B4GALT5: variants seen among roughly 807,000 people sequenced by gnomAD.
The protein encoded by B4GALT5 is beta-1,4-galactosyltransferase 5.
Under a neutral mutation model 45.0 loss-of-function variants are expected in B4GALT5, and 11 were observed. The observed-to-expected ratio is 0.24, with a 90% CI of 0.15 to 0.40. B4GALT5 has a LOEUF of 0.40. Ranked by LOEUF, B4GALT5 falls within the 10% of genes least tolerant of loss-of-function variation. The probability of loss-of-function intolerance (pLI) is 1.00; values close to 1 mark genes in which losing one functional copy is unlikely to be tolerated. For synonymous variants in B4GALT5, 185 were observed against 182.9 expected (o/e 1.01, Z -0.09); for missense variants, 337 against 500.2 (o/e 0.67, Z 3.11).
chr20:49,679,478 C>T (rs1334743027), intron 1 of B4GALT5, among the ~76,000 whole-genome samples: 2 of 151,198 alleles, frequency 1.3e-5, no homozygotes, highest in African/African-American at 2.4e-5. Context: ...ACCAGCCTGG[C>T]TAACAGGGTG....
At chr20:49,694,195 G>A (rs1365263319) in intron 1 of B4GALT5, among the ~76,000 whole-genome samples, 2 of 152,092 alleles carry the variant, frequency 1.3e-5, no homozygotes, top group East Asian at 3.9e-4. Flanking sequence ...ACTTCAAAGT[G>A]CCCTTTCTGT....
At chr20:49,665,983 C>T (rs1679659358) in intron 1 of B4GALT5, among the ~76,000 whole-genome samples, 1 of 152,028 alleles carries the variant, frequency 6.6e-6, no homozygotes, top group African/African-American at 2.4e-5. Context: ...GGGCTTCACG[C>T]ACTATACTTG....
rs1984442232 is a variant in B4GALT5, at chr20:49,633,960, G to C, written c.*2352C>G. On this transcript the variant is annotated 3_prime_UTR_variant, in exon 9 of 9. Coordinates refer to ENST00000371711, the MANE Select transcript of B4GALT5 (RefSeq NM_004776.4). ...GGATGGGGGTTGCAGGGTGGAGGGGGGTCTTTATTGCTATATGCACCATAA... is the reference window on the plus strand; with the variant it reads ...GGATGGGGGTTGCAGGGTGGAGGGGCGTCTTTATTGCTATATGCACCATAA... 1 of 152,256 alleles carries C rather than the reference G, an allele frequency of 6.6e-6. No homozygotes were observed. Among genetic ancestry groups the C allele is most frequent in the Non-Finnish European group, 1.5e-5 (1 of 67,960 alleles). 9.4% of individuals were successfully genotyped at this position (152,256 alleles called of 1,614,324 possible). A position where few individuals can be genotyped will look rare whatever the true frequency, so the allele number is the denominator to read the frequency against.
chr20:49,692,327 C>A (rs1050352480), intron 1 of B4GALT5, among the ~76,000 whole-genome samples: 2 of 149,700 alleles, frequency 1.3e-5, no homozygotes, highest in Admixed American at 1.3e-4. Flanking sequence ...AGTAGCCAGG[C>A]ATGGTGGCGC....
intron 8 of B4GALT5, among the ~76,000 whole-genome samples, 178 bp downstream of exon 8, chr20:49,637,163 C>T (rs148066343): frequency 3.3e-5 from 5 of 152,266 alleles, no homozygotes; most frequent in South Asian, 2.1e-4. Flanking sequence ...TGTTCACCAA[C>T]GGTCTGATCC....
intron 4 of B4GALT5, 26 bp from the exon 5 acceptor site, chr20:49,642,610 C>T: frequency 6.5e-7 from 1 of 1,535,986 alleles, no homozygotes; most frequent in Non-Finnish European, 9.0e-7. Context: ...GCAAAAGAAG[C>T]ACAGTTAGGA....
intron 2 of B4GALT5, among the ~76,000 whole-genome samples, chr20:49,652,371 G>A (rs1046338418): frequency 2.6e-5 from 4 of 151,562 alleles, no homozygotes; most frequent in African/African-American, 9.7e-5. Context: ...TTGCCTCTCT[G>A]CTTGAAAAAA....
chr20:49,640,535 T>C lies in B4GALT5; in HGVS notation c.737A>G (p.Tyr246Cys). ...ATGCCTCGGCATCTGTCCACATCCA[T>C]AATAGTTGCGATCACTTTCCGGTAT... ...DHIPESDRNY[Y>C]GCGQMPRHFA... Residue 246 changes from tyrosine (Y) to cysteine (C), a missense_variant, in exon 6 of 9, where the codon TAT (tyrosine) becomes TGT (cysteine). By Grantham distance (194) the Tyr-to-Cys change is radical (BLOSUM62 -2). Around this residue, in one of 2 missense-constraint regions of B4GALT5, gnomAD observed 163 missense variants for 292.8 expected, o/e 0.56. Coordinates refer to ENST00000371711, the MANE Select transcript of B4GALT5 (RefSeq NM_004776.4). 6.2e-7 allele frequency: 1 copy of C among 1,613,592 alleles called. No homozygotes were observed. The highest frequency in any genetic ancestry group is 8.5e-7 in the Non-Finnish European group (1 of 1,179,952).
Position 49,647,073 on chromosome 20 carries a change from G to C in B4GALT5, c.256C>G (p.Pro86Ala). Residue 86 changes from proline (P) to alanine (A), a missense_variant, in exon 3 of 9, where the codon CCT becomes GCT. Coordinates refer to ENST00000371711, the MANE Select transcript of B4GALT5 (RefSeq NM_004776.4). ...GTTTCACTGTGGTTCAAGTCAAGAG[G>C]ATAATCTAGGGAGGTAAAGGAAAAA... ...RNSSVNDSDY[P>A]LDLNHSETFL... 1 of 1,610,588 alleles carries C rather than the reference G, an allele frequency of 6.2e-7. No individual in the cohort carries two copies. The highest frequency in any genetic ancestry group is 8.5e-7 in the Non-Finnish European group (1 of 1,177,288).
chr20:49,637,428 C>T lies in B4GALT5; in HGVS notation c.932G>A (p.Gly311Asp). 1 of 1,613,510 alleles carries T rather than the reference C, an allele frequency of 6.2e-7. No homozygotes were observed. Among genetic ancestry groups the T allele is most frequent in the Non-Finnish European group, 8.5e-7 (1 of 1,179,486 alleles). ...ACCCTCTGGCCGGCTCACAGAATAG[C>T]CTGCATTCTGTACTCTGTCCAAGAC... The part of the protein sequence containing the change: ...DDLWNRVQNA[G>D]YSVSRPEGDT... Residue 311 changes from glycine to aspartate, a missense_variant, in exon 8 of 9, where the codon GGC (glycine) becomes GAC (aspartate). Coordinates refer to ENST00000371711, the MANE Select transcript of B4GALT5 (RefSeq NM_004776.4).
rs985990239 is a variant in B4GALT5, at chr20:49,633,426, A to G, written c.*2886T>C. ...CAGCTACCAATATATGCACAAGGTCACATTTGGTTCCTGTTTTTTTTTTTA... is the reference window on the plus strand; with the variant it reads ...CAGCTACCAATATATGCACAAGGTCGCATTTGGTTCCTGTTTTTTTTTTTA... On this transcript the variant is annotated 3_prime_UTR_variant, in exon 9 of 9. Transcript: ENST00000371711. 2.7e-5 allele frequency: 3 copies of G among 112,510 alleles called. No homozygotes were observed. The Admixed American group carries it at 2.8e-4, about 11-fold the overall frequency. The allele number at this position is 112,510 out of a possible 1,614,324, so 7.0% of individuals were successfully genotyped here. A position where few individuals can be genotyped will look rare whatever the true frequency, so the allele number is the denominator to read the frequency against.
intron 8 of B4GALT5, among the ~76,000 whole-genome samples, chr20:49,636,812 ACT>A (rs1358878392): frequency 2.0e-5 from 3 of 151,960 alleles, no homozygotes; most frequent in Non-Finnish European, 4.4e-5. Flanking sequence ...GAAAGTTCAT[ACT>A]CTGTATTCAG....
chr20:49,680,590 T>C (rs2085759788), intron 1 of B4GALT5, among the ~76,000 whole-genome samples: 1 of 152,098 alleles, frequency 6.6e-6, no homozygotes, highest in Non-Finnish European at 1.5e-5. Context: ...TGGTGATTAT[T>C]AGAAGTTGCG....
Position 49,642,521 on chromosome 20 carries a change from G to A in B4GALT5, c.553C>T (p.Leu185Phe). The A allele has an allele frequency of 6.2e-7, 1 of 1,614,222 alleles. No individual in the cohort carries two copies. Among genetic ancestry groups the A allele is most frequent in the Non-Finnish European group, 8.5e-7 (1 of 1,180,018 alleles). The stretch of plus-strand genomic sequence containing the variant: ...AAGCGCTGGCGCTGGAGCATGGGAA[G>A]CAGGTGTCTGAACAGGACTGGGAGG... ...EHLPVLFRHL[L>F]PMLQRQRLQF... The change falls in exon 5 of 9, where the codon CTT (leucine) becomes TTT (phenylalanine). Residue 185 changes from leucine to phenylalanine, a missense_variant. Around this residue, in one of 2 missense-constraint regions of B4GALT5, gnomAD observed 163 missense variants for 292.8 expected, o/e 0.56. Coordinates refer to ENST00000371711, the MANE Select transcript of B4GALT5 (RefSeq NM_004776.4).
intron 1 of B4GALT5, among the ~76,000 whole-genome samples, chr20:49,659,816 T>C (rs890737967): frequency 7.5e-6 from 1 of 134,074 alleles, no homozygotes; most frequent in South Asian, 2.2e-4. Flanking sequence ...TCTTTTTTTC[T>C]TTTTTTTTTT....
chr20:49,660,670 C>A (rs538954005), intron 1 of B4GALT5, among the ~76,000 whole-genome samples: 1 of 152,252 alleles, frequency 6.6e-6, no homozygotes, highest in Non-Finnish European at 1.5e-5. Context: ...AACTGTAGGA[C>A]CTTTCAGGTG....
At chr20:49,648,355 A>G (rs2085607577) in intron 2 of B4GALT5, among the ~76,000 whole-genome samples, 1 of 152,162 alleles carries the variant, frequency 6.6e-6, no homozygotes, top group Non-Finnish European at 1.5e-5. Flanking sequence ...CTGTTTTGCC[A>G]TCTCTGGGGT....
chr20:49,635,979 A>G lies in B4GALT5; in HGVS notation c.*333T>C, dbSNP rs959674109. The G allele has an allele frequency of 1.5e-5, 4 of 274,052 alleles. No homozygotes were observed. Among genetic ancestry groups the G allele is most frequent in the Non-Finnish European group, 2.9e-5 (4 of 139,948 alleles). The allele number at this position is 274,052 out of a possible 1,614,324, so 17.0% of individuals were successfully genotyped here. ...CAGGACCACGGCAGGACCACGGCAG[A>G]TCACAGTTCATCATGGGTTCTGGAG... On this transcript the variant is annotated 3_prime_UTR_variant, in exon 9 of 9. Transcript: ENST00000371711.
rs2085551981 is a variant in B4GALT5, at chr20:49,636,040, G to C, written c.*272C>G. On this transcript the variant is annotated 3_prime_UTR_variant, in exon 9 of 9. Transcript: ENST00000371711. ...AGACAGGATGTGGGGTAGGAGATGGGGAGAGAGCAGCGGGACAGACGTCTG... is the reference window on the plus strand; with the variant it reads ...AGACAGGATGTGGGGTAGGAGATGGCGAGAGAGCAGCGGGACAGACGTCTG... 1 of 428,752 alleles carries C rather than the reference G, an allele frequency of 2.3e-6. No individual in the cohort carries two copies. The highest frequency in any genetic ancestry group is 2.0e-5 in the African/African-American group (1 of 49,686). The allele number at this position is 428,752 out of a possible 1,614,324, so 26.6% of individuals were successfully genotyped here.
Sources: gnomAD v4.1 joint callset for allele counts (sites outside exome capture counted in the v4.1 genomes callset) on GRCh38, gnomAD v4.1.1 for gene constraint, gnomAD v4.1.1 regional missense constraint, MANE v1.5 for transcripts, NCBI Gene and HGNC (gene_info 2026-07-23, HGNC 2026-07-21) for gene names.